Variants in SOX5 observed in about 807,000 individuals in gnomAD.
SOX5 encodes SRY-box transcription factor 5.
Under a neutral mutation model 92.0 loss-of-function variants are expected in SOX5, and 9 were observed. The observed-to-expected ratio is 0.10, with a 90% CI of 0.06 to 0.17. The LOEUF (loss-of-function observed/expected upper bound fraction) is 0.17. Ranked by LOEUF, SOX5 falls within the 10% of genes least tolerant of loss-of-function variation. SOX5 has a pLI of 1.00. For missense variants in SOX5, 642 were observed against 944.5 expected, an observed-to-expected ratio of 0.68 and a Z score of 4.20; for synonymous variants, 344 against 336.3, an observed-to-expected ratio of 1.02 and a Z score of -0.25.
intron 2 of SOX5, among the ~76,000 whole-genome samples, chr12:24,350,487 G>C (rs915325026): frequency 6.6e-6 from 1 of 152,098 alleles, no homozygotes. Context: ...GGGCCTATAG[G>C]CACGTGCCAC....
chr12:24,317,873 T>C (rs916709440), intron 2 of SOX5, among the ~76,000 whole-genome samples: 1 of 152,176 alleles, frequency 6.6e-6, no homozygotes, highest in Non-Finnish European at 1.5e-5. Flanking sequence ...AAAGAAGAGA[T>C]CCCTCCAATA....
In SOX5 at chr12:24,374,230, C is replaced by T. The variant is rs151257514; in HGVS notation, c.-250-5591G>A. Among the ~76,000 whole-genome samples the T allele has an allele frequency of 1.4e-3, 210 of 152,010 alleles. 1 individual carries two copies. Among genetic ancestry groups the T allele is most frequent in the South Asian group, 5.2e-3 (25 of 4,798 alleles). ...AGCCTGTGAGTGGCACAAAGGAATC[C>T]GCAGCCCTGTGGGCTGACAGTCCTC... is the stretch of plus-strand genomic sequence containing the variant. On this transcript the variant is annotated intron_variant, in intron 1 of 4. Transcript: ENST00000446891.
chr12:24,541,161 CT>C (rs1952089810), intron 1 of SOX5, among the ~76,000 whole-genome samples: 1 of 152,172 alleles, frequency 6.6e-6, no homozygotes, highest in Non-Finnish European at 1.5e-5. Flanking sequence ...AAGGTGCGAG[CT>C]TATACTTTTT....
intron 3 of SOX5, among the ~76,000 whole-genome samples, chr12:24,243,417 A>G (rs906714200): frequency 4.6e-5 from 7 of 152,148 alleles, no homozygotes; most frequent in Admixed American, 2.0e-4. Context: ...TCTGTCTTGT[A>G]TTTGTCTTAA....
At chr12:23,623,602 ATAT>A (rs2077429015) in intron 8 of SOX5, among the ~76,000 whole-genome samples, 1 of 152,156 alleles carries the variant, frequency 6.6e-6, no homozygotes, top group Admixed American at 6.5e-5. Flanking sequence ...TACAAAGCAA[ATAT>A]TATCTAGGAA....
At chr12:24,235,830 T>C (rs1427238849) in intron 3 of SOX5, among the ~76,000 whole-genome samples, 3 of 152,176 alleles carry the variant, frequency 2.0e-5, no homozygotes, top group Non-Finnish European at 4.4e-5. Flanking sequence ...ACTTTCCTTT[T>C]AATTAGTCAG....
At chr12:24,056,445 G>T (rs1295413409) in intron 4 of SOX5, among the ~76,000 whole-genome samples, 1 of 152,184 alleles carries the variant, frequency 6.6e-6, no homozygotes, top group Non-Finnish European at 1.5e-5. Flanking sequence ...ACATATTAAT[G>T]CTTAAAATTA....
intron 4 of SOX5, among the ~76,000 whole-genome samples, chr12:23,748,195 C>A (rs948319569): frequency 1.3e-5 from 2 of 151,884 alleles, no homozygotes; most frequent in Non-Finnish European, 2.9e-5. Context: ...GGTAATAGGA[C>A]ACTATTATAA....
chr12:24,376,479 A>T lies in SOX5; in HGVS notation c.-250-7840T>A, dbSNP rs1420544483. Among the ~76,000 whole-genome samples, 5 of 152,190 alleles carry T rather than the reference A, an allele frequency of 3.3e-5. No homozygotes were observed. The East Asian group carries it at 9.6e-4, about 29-fold the overall frequency. Reference sequence around the variant, plus strand: ...CTTAACCTTGCAAATTCATGAATATAGGCACCAAAAAGCTAAACAATTTGC... The same window carrying T: ...CTTAACCTTGCAAATTCATGAATATTGGCACCAAAAAGCTAAACAATTTGC... On this transcript the variant is annotated intron_variant, in intron 1 of 4. Transcript: ENST00000446891.
intron 9 of SOX5, among the ~76,000 whole-genome samples, chr12:23,594,060 A>G (rs1394383642): frequency 6.6e-6 from 1 of 152,142 alleles, no homozygotes; most frequent in African/African-American, 2.4e-5. Flanking sequence ...TAAAATGAAT[A>G]CTCATGTAAT....
At chr12:24,223,569 T>C (rs992609679) in intron 3 of SOX5, among the ~76,000 whole-genome samples, 2 of 152,214 alleles carry the variant, frequency 1.3e-5, no homozygotes, top group African/African-American at 4.8e-5. Flanking sequence ...GCCTGAGCAA[T>C]GTAGCAAGGC....
intron 9 of SOX5, among the ~76,000 whole-genome samples, chr12:23,582,682 T>C (rs908364937): frequency 6.6e-6 from 1 of 152,150 alleles, no homozygotes; most frequent in African/African-American, 2.4e-5. Flanking sequence ...TTAGACTTGA[T>C]GGCCATTTAA....
At chr12:23,556,912 T>C (rs1452218075) in intron 11 of SOX5, among the ~76,000 whole-genome samples, 2 of 152,246 alleles carry the variant, frequency 1.3e-5, no homozygotes, top group East Asian at 3.8e-4. Context: ...ATCCATCAGA[T>C]GGCCAGCGAA....
At chr12:24,137,676 G>T (rs1173876523) in intron 4 of SOX5, among the ~76,000 whole-genome samples, 1 of 152,074 alleles carries the variant, frequency 6.6e-6, no homozygotes, top group Non-Finnish European at 1.5e-5. Flanking sequence ...AAACTCTGTT[G>T]TAAGTCTTCA....
At chr12:24,196,419 T>C (rs997442815) in intron 4 of SOX5, among the ~76,000 whole-genome samples, 1 of 152,248 alleles carries the variant, frequency 6.6e-6, no homozygotes, top group Admixed American at 6.5e-5. Flanking sequence ...TGTATTTTAC[T>C]GAAATAAACT....
At chr12:23,596,871 T>C (rs1394599293) in intron 9 of SOX5, among the ~76,000 whole-genome samples, 2 of 152,220 alleles carry the variant, frequency 1.3e-5, no homozygotes, top group Admixed American at 1.3e-4. Flanking sequence ...AAAATGAATA[T>C]ATTTAGAATA....
In SOX5 at chr12:24,399,079, T is replaced by C. The variant is rs368977537; in HGVS notation, c.-250-30440A>G. ...GGACCCCCACCAAAAACGGCCACGGTCTTTCCAATGCCACCCCAAAACATG... is the reference window on the plus strand; with the variant it reads ...GGACCCCCACCAAAAACGGCCACGGCCTTTCCAATGCCACCCCAAAACATG... On this transcript the variant is annotated intron_variant, in intron 1 of 4. Coordinates refer to the SOX5 transcript ENST00000446891. 2.6e-5 allele frequency among the ~76,000 whole-genome samples: 4 copies of C among 152,262 alleles called. No individual in the cohort carries two copies. The East Asian group carries it at 7.7e-4, about 29-fold the overall frequency.
chr12:23,639,341 T>C (rs2079723202), intron 8 of SOX5, among the ~76,000 whole-genome samples: 1 of 152,138 alleles, frequency 6.6e-6, no homozygotes, highest in Admixed American at 6.5e-5. Context: ...GCAATGAACA[T>C]AGGAGTTGCC....
intron 3 of SOX5, 125 bp from the exon 4 acceptor site, chr12:23,755,849 A>G: frequency 1.8e-6 from 1 of 569,532 alleles, no homozygotes; most frequent in Non-Finnish European, 3.0e-6. Flanking sequence ...TGGCTTCATC[A>G]AAAAACTGAT....
Sources: gnomAD v4.1 joint callset for allele counts (sites outside exome capture counted in the v4.1 genomes callset) on GRCh38, gnomAD v4.1.1 for gene constraint, MANE v1.5 for transcripts, NCBI Gene and HGNC (gene_info 2026-07-23, HGNC 2026-07-21) for gene names.